The following AMPD3 variants were observed in gnomAD, a reference collection of about 807,000 sequenced individuals.
The protein encoded by AMPD3 is adenosine monophosphate deaminase 3, also known as AMP deaminase 3.
A neutral mutation model predicts 82.3 loss-of-function variants in AMPD3; 57 were observed. The observed-to-expected ratio is 0.69, with a 90% CI of 0.56 to 0.86. AMPD3 has a LOEUF of 0.86. AMPD3 is among the 40% of genes least tolerant of loss of function. The pLI is 0.00. For synonymous variants in AMPD3, 381 were observed against 394.7 expected (o/e 0.97, Z 0.41); for missense variants, 870 against 1,003.8 (o/e 0.87, Z 1.80).
intron 6 of AMPD3, 55 bp from the exon 7 acceptor site, chr11:10,493,294 T>A (rs1849293206): frequency 2.5e-6 from 4 of 1,604,002 alleles, no homozygotes; most frequent in Non-Finnish European, 3.4e-6. Context: ...ATGTCTTAAC[T>A]CTTGTTGCTA....
rs1849722666 is a variant in AMPD3 at position 10,506,708 on chromosome 11, T to A, written c.*824T>A. On this transcript the variant is annotated 3_prime_UTR_variant, in exon 15 of 15. Coordinates refer to ENST00000396553, the MANE Select transcript of AMPD3 (RefSeq NM_001025389.2). This position sits in a 1 kb window ranked among gnomAD's most constrained non-coding sequence, Gnocchi z 4.1. ...TCAAAAAGCACAGGACTAGATGATC[T>A]CTGTTCCTTTTGGCTCTAATATGCT... 6.6e-6 allele frequency: 1 copy of A among 152,412 alleles called. No homozygotes were observed. Among genetic ancestry groups the A allele is most frequent in the Non-Finnish European group, 1.5e-5 (1 of 68,076 alleles). 9.4% of individuals were successfully genotyped at this position (152,412 alleles called of 1,614,324 possible).
upstream of AMPD3, chr11:10,450,674 G>C: frequency 9.7e-7 from 1 of 1,030,610 alleles, no homozygotes; most frequent in African/African-American, 1.7e-5. Context: ...GGCGGCCGCC[G>C]CGCCCCTGCT....
intron 2 of AMPD3, chr11:10,477,115 C>G: frequency 2.0e-6 from 2 of 985,396 alleles, no homozygotes; most frequent in Non-Finnish European, 2.4e-6. Context: ...AGTGAGGATA[C>G]CTGGCCACAG....
intron 2 of AMPD3, 147 bp from the exon 3 acceptor site, chr11:10,478,379 G>T: frequency 6.3e-7 from 1 of 1,581,298 alleles, no homozygotes; most frequent in Non-Finnish European, 8.6e-7. Flanking sequence ...AGGAAGGCAT[G>T]AATAATTAGA....
chr11:10,466,622 G>A (rs1490142354), intron 2 of AMPD3, among the ~76,000 whole-genome samples: 1 of 152,212 alleles, frequency 6.6e-6, no homozygotes, highest in Non-Finnish European at 1.5e-5. Context: ...AGCTTCAGCA[G>A]ACATAAATGT....
In AMPD3 at chr11:10,506,113, G is replaced by A. The variant is rs1213429566; in HGVS notation, c.*229G>A. Reference sequence around the variant, plus strand: ...TTCTCCTTGGGGATCTGGGAGCTGAGCACTTGTCTATACTTGTTCCTAATT... The same window carrying A: ...TTCTCCTTGGGGATCTGGGAGCTGAACACTTGTCTATACTTGTTCCTAATT... On this transcript the variant is annotated 3_prime_UTR_variant, in exon 15 of 15. Transcript: ENST00000396553. This position sits in a 1 kb window ranked among gnomAD's most constrained non-coding sequence, Gnocchi z 4.1. 1 of 588,264 alleles carries A rather than the reference G, an allele frequency of 1.7e-6. No individual in the cohort carries two copies. Among genetic ancestry groups the A allele is most frequent in the Admixed American group, 2.7e-5 (1 of 37,422 alleles). The allele number at this position is 588,264 out of a possible 1,614,324, so 36.4% of individuals were successfully genotyped here.
intron 7 of AMPD3, 172 bp from the exon 8 acceptor site, chr11:10,494,727 T>C: frequency 1.0e-6 from 1 of 984,954 alleles, no homozygotes; most frequent in Non-Finnish European, 1.2e-6. Flanking sequence ...GCTGACCGAG[T>C]GAGGATCCAT....
chr11:10,497,428 G>C (rs1018069900), intron 10 of AMPD3, among the ~76,000 whole-genome samples: 1 of 152,232 alleles, frequency 6.6e-6, no homozygotes, highest in Non-Finnish European at 1.5e-5. Flanking sequence ...AAGGAGAGGA[G>C]CAGTCTGGGA....
chr11:10,487,259 G>A lies in AMPD3; in HGVS notation c.834G>A (p.Leu278=), dbSNP rs1849100861. The change falls in exon 6 of 15, where the codon CTG becomes CTA. Residue 278 remains leucine, a synonymous_variant. Coordinates refer to ENST00000396553, the MANE Select transcript of AMPD3 (RefSeq NM_001025389.2). ...GPTKTYCHRR[L]NFLESKFSLH... ...GGAAAACCTATTGTCACCGGCGACT[G>A]AACTTTCTGGAATCCAAGTTCAGCC... is the stretch of plus-strand genomic sequence containing the variant. 1 of 1,614,038 alleles carries A rather than the reference G, an allele frequency of 6.2e-7. No individual in the cohort carries two copies. The highest frequency in any genetic ancestry group is 8.5e-7 in the Non-Finnish European group (1 of 1,180,038).
chr11:10,499,907 A>C (rs1037159859), intron 10 of AMPD3, 179 bp from the exon 11 acceptor site: 1 of 984,322 alleles, frequency 1.0e-6, no homozygotes, highest in African/African-American at 1.7e-5. Context: ...TTGGTGTTGT[A>C]CCCACTTTTC....
intron 2 of AMPD3, 106 bp from the exon 3 acceptor site, chr11:10,478,420 A>T (rs1848802342): frequency 6.3e-7 from 1 of 1,579,316 alleles, no homozygotes; most frequent in Non-Finnish European, 8.7e-7. Context: ...AGCACCAGTG[A>T]TTAATCATAG....
intron 2 of AMPD3, among the ~76,000 whole-genome samples, chr11:10,474,170 G>T (rs1194886626): frequency 6.6e-6 from 1 of 152,194 alleles, no homozygotes; most frequent in African/African-American, 2.4e-5. Context: ...AGCCATCACA[G>T]TCGGCCCCTG....
rs543353925 is a variant in AMPD3, at chr11:10,500,719, G to A, written c.1721+470G>A. 6 of 985,128 alleles carry A rather than the reference G, an allele frequency of 6.1e-6. No individual in the cohort carries two copies. The South Asian group carries it at 2.8e-4, about 46-fold the overall frequency. The allele number at this position is 985,128 out of a possible 1,614,324, so 61.0% of individuals were successfully genotyped here. A position where few individuals can be genotyped will look rare whatever the true frequency, so the allele number is the denominator to read the frequency against. On this transcript the variant is annotated intron_variant, in intron 11 of 14. Coordinates refer to ENST00000396553, the MANE Select transcript of AMPD3 (RefSeq NM_001025389.2). ...TCTGGCATGCGATAGGCATTGCCCT[G>A]GGCACTGGACAAATAACGGGGAACA...
intron 10 of AMPD3, chr11:10,497,487 C>T (rs1849446646): frequency 3.6e-6 from 3 of 822,806 alleles, no homozygotes; most frequent in South Asian, 5.5e-5. Flanking sequence ...CGGTCCCACC[C>T]TCCGGATGCC....
upstream of AMPD3, among the ~76,000 whole-genome samples, chr11:10,454,380 T>G (rs1300750636): frequency 6.6e-6 from 1 of 152,294 alleles, no homozygotes; most frequent in East Asian, 1.9e-4. Flanking sequence ...AAATGAAGAC[T>G]CAAGGTGGAG....
Position 10,493,337 on chromosome 11 carries a change from G to A in AMPD3, c.940-12G>A, listed in dbSNP as rs201975462. 66 of 1,613,930 alleles carry A rather than the reference G, an allele frequency of 4.1e-5. 1 individual carries two copies. The South Asian group carries it at 6.4e-4, about 16-fold the overall frequency. ...TGGCCTGACTCAGGGCCTGGTGGGC[G>A]CTGTGTTCCAGGTGGACACACACAT... On this transcript the variant is annotated splice_polypyrimidine_tract_variant and intron_variant, in intron 6 of 14. Transcript: ENST00000396553.
At chr11:10,470,193 A>G (rs1204127139) in intron 2 of AMPD3, among the ~76,000 whole-genome samples, 1 of 152,228 alleles carries the variant, frequency 6.6e-6, no homozygotes, top group Admixed American at 6.5e-5. Context: ...CCATCGCATA[A>G]ACAGAACCAA....
intron 2 of AMPD3, among the ~76,000 whole-genome samples, chr11:10,465,606 CA>C (rs1694867076): frequency 2.0e-5 from 3 of 152,166 alleles, no homozygotes; most frequent in Admixed American, 1.3e-4. Flanking sequence ...CTGAGAAGCA[CA>C]AGGGATGGGG....
At chr11:10,460,628 C>A (rs1848242356) in intron 1 of AMPD3, among the ~76,000 whole-genome samples, 1 of 152,086 alleles carries the variant, frequency 6.6e-6, no homozygotes, top group African/African-American at 2.4e-5. Context: ...AGGATGGTCT[C>A]AAACTCCTGA....
Sources: gnomAD v4.1 joint callset for allele counts (sites outside exome capture counted in the v4.1 genomes callset) on GRCh38, gnomAD v4.1.1 for gene constraint, Gnocchi (gnomAD v3.1) non-coding constraint, MANE v1.5 for transcripts, NCBI Gene and HGNC (gene_info 2026-07-23, HGNC 2026-07-21) for gene names.